SPACA7: variants seen among roughly 807,000 people sequenced by gnomAD.
SPACA7 encodes the protein sperm acrosome-associated protein 7.
In SPACA7, 19 loss-of-function variants were observed where a neutral mutation model predicts 26.3. That is an observed-to-expected ratio of 0.72 (90% confidence interval 0.50 to 1.06). SPACA7 has a LOEUF of 1.06. Ranked by LOEUF, SPACA7 falls within the 50% of genes least tolerant of loss-of-function variation. The pLI is 0.00. For synonymous variants in SPACA7, 84 were observed against 84.5 expected (o/e 0.99, Z 0.04); for missense variants, 211 against 229.9 (o/e 0.92, Z 0.53).
At chr13:112,382,740 C>T (rs900369292) in intron 1 of SPACA7, among the ~76,000 whole-genome samples, 21 of 152,036 alleles carry the variant, frequency 1.4e-4, no homozygotes, top group Non-Finnish European at 2.9e-4. Context: ...GTAATCCCAG[C>T]ACTTTTGGAG....
rs184084542 is a variant in SPACA7 at position 112,421,927 on chromosome 13, T to C, written c.446-10517T>C. Among the ~76,000 whole-genome samples, 222 of 151,908 alleles carry C rather than the reference T, an allele frequency of 1.5e-3. 1 individual carries two copies. Among genetic ancestry groups the C allele is most frequent in the Non-Finnish European group, 2.3e-3 (153 of 67,862 alleles). On this transcript the variant is annotated intron_variant, in intron 5 of 6. Coordinates refer to ENST00000283550, the MANE Select transcript of SPACA7 (RefSeq NM_145248.5). Reference sequence around the variant, plus strand: ...TAAATGATGAGAACACATGGACACATAGAGGGGAACAAAAGTCACTGGGGC... The same window carrying C: ...TAAATGATGAGAACACATGGACACACAGAGGGGAACAAAAGTCACTGGGGC...
At chr13:112,430,101 G>C (rs80074980) in intron 5 of SPACA7, among the ~76,000 whole-genome samples, 3,075 of 151,898 alleles carry the variant, frequency 0.02, 98 homozygotes, top group African/African-American at 0.07. Context: ...TTCCATCCTT[G>C]AGTAGTTTTC....
chr13:112,417,207 A>G (rs1248869142), intron 5 of SPACA7, among the ~76,000 whole-genome samples: 1 of 152,166 alleles, frequency 6.6e-6, no homozygotes, highest in Non-Finnish European at 1.5e-5. Flanking sequence ...AACTTCAAAT[A>G]TTCATTCTAT....
chr13:112,418,940 T>C (rs1015703129), intron 5 of SPACA7, among the ~76,000 whole-genome samples: 2 of 151,884 alleles, frequency 1.3e-5, no homozygotes, highest in Admixed American at 1.3e-4. Context: ...GGAGAATCAC[T>C]TGAACCCAGG....
intron 1 of SPACA7, among the ~76,000 whole-genome samples, chr13:112,383,753 G>A (rs1280360895): frequency 6.6e-6 from 1 of 152,150 alleles, no homozygotes; most frequent in Non-Finnish European, 1.5e-5. Flanking sequence ...TTTCCCAACG[G>A]GCTTTAATTG....
chr13:112,432,836 G>T (rs898068852), intron 6 of SPACA7, among the ~76,000 whole-genome samples: 1 of 152,174 alleles, frequency 6.6e-6, no homozygotes, highest in Non-Finnish European at 1.5e-5. Flanking sequence ...CCTACTCAAG[G>T]GTCTCAACCA....
At chr13:112,382,896 G>T (rs1284923768) in intron 1 of SPACA7, among the ~76,000 whole-genome samples, 2 of 151,856 alleles carry the variant, frequency 1.3e-5, no homozygotes, top group Non-Finnish European at 2.9e-5. Context: ...GGCTGAGGCA[G>T]GAGAATCAGT....
At chr13:112,383,098 GAAGA>G (rs1445595997) in intron 1 of SPACA7, among the ~76,000 whole-genome samples, 7 of 37,304 alleles carry the variant, frequency 1.9e-4, no homozygotes, top group Admixed American at 4.7e-4. Context: ...AAGAAAGAAA[GAAGA>G]AAGAAAAGAA....
chr13:112,419,167 CT>C (rs1203675354), intron 5 of SPACA7, among the ~76,000 whole-genome samples: 1 of 152,150 alleles, frequency 6.6e-6, no homozygotes, highest in African/African-American at 2.4e-5. Flanking sequence ...AGAGGCAAGC[CT>C]ACCAAACAGA....
chr13:112,381,554 C>G (rs1357572862), intron 1 of SPACA7, among the ~76,000 whole-genome samples: 3 of 152,050 alleles, frequency 2.0e-5, no homozygotes, highest in Non-Finnish European at 4.4e-5. Context: ...TCACTTGCCC[C>G]CTGCCCAGGC....
At chr13:112,383,132 AG>A (rs1555324453) in intron 1 of SPACA7, among the ~76,000 whole-genome samples, 4 of 3,884 alleles carry the variant, frequency 1.0e-3, no homozygotes, top group Admixed American at 8.2e-3. Flanking sequence ...AAAGAAAGAA[AG>A]AAAGAAAGAA....
chr13:112,401,213 A>C (rs1346867490), intron 5 of SPACA7, 49 bp downstream of exon 5: 3 of 1,459,964 alleles, frequency 2.1e-6, no homozygotes, highest in Non-Finnish European at 2.9e-6. Flanking sequence ...AGACGGAGGC[A>C]TGAGTGTGTG....
chr13:112,424,706 G>T (rs1382027311), intron 5 of SPACA7, among the ~76,000 whole-genome samples: 1 of 152,110 alleles, frequency 6.6e-6, no homozygotes, highest in Non-Finnish European at 1.5e-5. Flanking sequence ...TTTACCAAAA[G>T]CCAAATGGAA....
At chr13:112,389,657 A>G (rs1416813802) in intron 1 of SPACA7, among the ~76,000 whole-genome samples, 3 of 152,222 alleles carry the variant, frequency 2.0e-5, no homozygotes, top group Non-Finnish European at 1.5e-5. Context: ...GTAGAAAAAT[A>G]TCACATATAT....
intron 3 of SPACA7, 29 bp from the exon 4 acceptor site, chr13:112,399,037 C>T (rs564736259): frequency 1.8e-5 from 26 of 1,422,884 alleles, no homozygotes; most frequent in Admixed American, 3.5e-5. Context: ...AAAACTTTTC[C>T]CCATTTTTTT....
At chr13:112,397,827 A>G (rs1172283124) in intron 2 of SPACA7, among the ~76,000 whole-genome samples, 1 of 152,130 alleles carries the variant, frequency 6.6e-6, no homozygotes, top group Non-Finnish European at 1.5e-5. Flanking sequence ...AAATGTCCAA[A>G]TGGTCTCAGT....
rs182668026 is a variant in SPACA7, at chr13:112,381,738, T to G, written c.94+5259T>G. Among the ~76,000 whole-genome samples, 503 of 152,078 alleles carry G rather than the reference T, an allele frequency of 3.3e-3. 1 individual carries two copies. The highest frequency in any genetic ancestry group is 5.2e-3 in the Admixed American group (80 of 15,280). On this transcript the variant is annotated intron_variant, in intron 1 of 6. Coordinates refer to ENST00000283550, the MANE Select transcript of SPACA7 (RefSeq NM_145248.5). The stretch of plus-strand genomic sequence containing the variant: ...TGGAGGGAAGCCAGTGAGGCAAGAG[T>G]GCTGACTGATCAGGGATGAAATCAC...
chr13:112,418,206 A>G, intron 5 of SPACA7, among the ~76,000 whole-genome samples: 1 of 152,266 alleles, frequency 6.6e-6, no homozygotes, highest in Admixed American at 6.5e-5. Context: ...AGCAAAGTAA[A>G]GGAAATCTTC....
At chr13:112,405,406 C>T (rs113437688) in intron 5 of SPACA7, among the ~76,000 whole-genome samples, 1 of 151,944 alleles carries the variant, frequency 6.6e-6, no homozygotes, top group African/African-American at 2.4e-5. Flanking sequence ...TTATTATTTT[C>T]CAGAAATTTA....
Sources: gnomAD v4.1 joint callset for allele counts (sites outside exome capture counted in the v4.1 genomes callset) on GRCh38, gnomAD v4.1.1 for gene constraint, MANE v1.5 for transcripts, NCBI Gene and HGNC (gene_info 2026-07-23, HGNC 2026-07-21) for gene names.